The following POFUT2 variants were observed in gnomAD, a reference collection of about 807,000 sequenced individuals.
POFUT2 encodes GDP-fucose protein O-fucosyltransferase 2.
A neutral mutation model predicts 55.0 loss-of-function variants in POFUT2; 30 were observed. The observed-to-expected ratio is 0.55, with a 90% CI of 0.41 to 0.74. The LOEUF (loss-of-function observed/expected upper bound fraction) is 0.74, where lower values mean the gene tolerates loss of function less well. POFUT2 is among the 30% of genes least tolerant of loss of function. POFUT2 has a pLI of 0.00. For missense variants in POFUT2, 524 were observed against 562.6 expected (o/e 0.93, Z 0.69); for synonymous variants, 267 against 231.1 (o/e 1.16, Z -1.41).
In POFUT2 at chr21:45,282,310, C is replaced by T. The variant is rs1432339953; in HGVS notation, c.638+39G>A. On this transcript the variant is annotated intron_variant, in intron 4 of 8. Coordinates refer to ENST00000349485, the MANE Select transcript of POFUT2 (RefSeq NM_133635.6). This position sits in a 1 kb window ranked among gnomAD's most constrained non-coding sequence, Gnocchi z 4.6. ...CCCAGCATGCACGGAGCAGACGCCA[C>T]AGCCTCCAGGCTGCTCCCGGGGGGC... is the stretch of plus-strand genomic sequence containing the variant. 1.5e-6 allele frequency: 2 copies of T among 1,324,110 alleles called. No homozygotes were observed. Among genetic ancestry groups the T allele is most frequent in the African/African-American group, 1.4e-5 (1 of 69,410 alleles). The allele number at this position is 1,324,110 out of a possible 1,614,324, so 82.0% of individuals were successfully genotyped here.
Position 45,285,947 on chromosome 21 carries a change from G to A in POFUT2, c.132-19C>T. ...AAGATACCTGAGCAGGGAGAAGGAG[G>A]ACCACAGGTCTCAAATGCTGAGGTT... On this transcript the variant is annotated intron_variant, in intron 1 of 8. Coordinates refer to ENST00000349485, the MANE Select transcript of POFUT2 (RefSeq NM_133635.6). This position sits in a 1 kb window ranked among gnomAD's most constrained non-coding sequence, Gnocchi z 4.9. 1 of 1,585,954 alleles carries A rather than the reference G, an allele frequency of 6.3e-7. No individual in the cohort carries two copies. Among genetic ancestry groups the A allele is most frequent in the Non-Finnish European group, 8.6e-7 (1 of 1,165,464 alleles).
At chr21:45,268,649 G>A (rs1310818343) in intron 7 of POFUT2, among the ~76,000 whole-genome samples, 7 of 151,664 alleles carry the variant, frequency 4.6e-5, no homozygotes, top group South Asian at 4.2e-4. Flanking sequence ...CATCTGGGAT[G>A]TGAGGAGCGC....
At chr21:45,272,742 C>T (rs2093229794) in intron 6 of POFUT2, among the ~76,000 whole-genome samples, 2 of 151,990 alleles carry the variant, frequency 1.3e-5, no homozygotes, top group Admixed American at 1.3e-4. Flanking sequence ...AAATTAAATC[C>T]AAAAGGAACC....
chr21:45,269,880 C>A lies in POFUT2; in HGVS notation c.971G>T (p.Arg324Leu). Residue 324 changes from arginine (R) to leucine (L), a missense_variant, in exon 7 of 9, where the codon CGG becomes CTG. This residue lies in a region of POFUT2 where 250 missense variants were observed against 318.2 expected (regional missense o/e 0.79). Coordinates refer to ENST00000349485, the MANE Select transcript of POFUT2 (RefSeq NM_133635.6). Reference sequence around the variant, plus strand: ...TGTGGCCACAAACACCTTGTCCAGCCGGTGGGTCTTCATGAGGCTGCGGAT... The same window carrying A: ...TGTGGCCACAAACACCTTGTCCAGCAGGTGGGTCTTCATGAGGCTGCGGAT... The part of the protein sequence containing the change: ...RKIRSLMKTH[R>L]LDKVFVATDA... 1 of 1,611,006 alleles carries A rather than the reference C, an allele frequency of 6.2e-7. No homozygotes were observed. Among genetic ancestry groups the A allele is most frequent in the South Asian group, 1.1e-5 (1 of 90,282 alleles).
chr21:45,269,998 C>T lies in POFUT2; in HGVS notation c.853G>A (p.Gly285Arg), dbSNP rs766610099. ...AGGTGGACTCCCAGGTAGGGGCCCCCTAGCGCGGAGCCCAGCTTGACCTAG... is the reference window on the plus strand; with the variant it reads ...AGGTGGACTCCCAGGTAGGGGCCCCTTAGCGCGGAGCCCAGCTTGACCTAG... Reference protein sequence around the residue: ...KMKVKLGSALGGPYLGVHLRR... With the variant: ...KMKVKLGSALRGPYLGVHLRR... The change falls in exon 7 of 9, where the codon GGG becomes AGG. Residue 285 changes from glycine to arginine, a missense_variant. By Grantham distance (125) the Gly-to-Arg change is moderately radical (BLOSUM62 -2). Coordinates refer to ENST00000349485, the MANE Select transcript of POFUT2 (RefSeq NM_133635.6). The T allele has an allele frequency of 6.4e-7, 1 of 1,561,292 alleles. No homozygotes were observed. Among genetic ancestry groups the T allele is most frequent in the South Asian group, 1.2e-5 (1 of 82,354 alleles).
chr21:45,283,592 T>A, intron 2 of POFUT2, 65 bp from the exon 3 acceptor site: 1 of 1,545,424 alleles, frequency 6.5e-7, no homozygotes, highest in Non-Finnish European at 8.9e-7. Flanking sequence ...CGGGCATGCA[T>A]CAGTCACCAG....
intron 6 of POFUT2, among the ~76,000 whole-genome samples, chr21:45,275,474 G>A (rs1433556442): frequency 6.6e-6 from 1 of 152,220 alleles, no homozygotes. Flanking sequence ...GCATATGCAT[G>A]TTTATAGCAG....
chr21:45,267,615 CAAT>C lies in POFUT2; in HGVS notation c.1108_1110del (p.Ile370del). 6.2e-7 allele frequency: 1 copy of C among 1,614,206 alleles called. No individual in the cohort carries two copies. The highest frequency in any genetic ancestry group is 8.5e-7 in the Non-Finnish European group (1 of 1,180,044). ...CTGGCGTGTGCGCAGATCCACTGGTCAATAATCGCAACGCCTCCGTCCTTGTAG... is the reference window on the plus strand; with the variant it reads ...CTGGCGTGTGCGCAGATCCACTGGTCAATCGCAACGCCTCCGTCCTTGTAG... On this transcript the variant is annotated inframe_deletion, in exon 8 of 9. Coordinates refer to ENST00000349485, the MANE Select transcript of POFUT2 (RefSeq NM_133635.6). The surrounding 1 kb of genome is among the most constrained non-coding windows in gnomAD (Gnocchi z 4.4).
At chr21:45,280,782 G>A (rs1035905695) in intron 4 of POFUT2, among the ~76,000 whole-genome samples, 5 of 150,798 alleles carry the variant, frequency 3.3e-5, no homozygotes, top group East Asian at 1.9e-4. Flanking sequence ...TCAATTGCAC[G>A]GATCCCGTCT....
In POFUT2 at chr21:45,283,411, A is replaced by C; in HGVS notation, c.499T>G (p.Tyr167Asp). The C allele has an allele frequency of 1.2e-6, 2 of 1,611,378 alleles. No homozygotes were observed. Among genetic ancestry groups the C allele is most frequent in the Non-Finnish European group, 1.7e-6 (2 of 1,178,952 alleles). The change falls in exon 3 of 9, where the codon TAC (tyrosine) becomes GAC (aspartate). Residue 167 changes from tyrosine to aspartate, a missense_variant. Physicochemically the swap from Tyr to Asp is radical, Grantham distance 160. This residue lies in a region of POFUT2 where 274 missense variants were observed against 244.4 expected (regional missense o/e 1.12). Coordinates refer to ENST00000349485, the MANE Select transcript of POFUT2 (RefSeq NM_133635.6). ...TAGTACTCGTGCTTGTCCTGGGAGT[A>C]CAGGAGCTGATCAATACACGGCCGC... Reference protein sequence around the residue: ...DERPCIDQLLYSQDKHEYYRG... With the variant: ...DERPCIDQLLDSQDKHEYYRG...
intron 4 of POFUT2, among the ~76,000 whole-genome samples, chr21:45,279,198 TG>T (rs1460015970): frequency 6.6e-6 from 1 of 150,972 alleles, no homozygotes; most frequent in Admixed American, 6.6e-5. Context: ...GAGACCATCC[TG>T]GCTAAGACGG....
At chr21:45,276,180 C>G (rs1473971384) in intron 6 of POFUT2, among the ~76,000 whole-genome samples, 1 of 151,424 alleles carries the variant, frequency 6.6e-6, no homozygotes, top group Non-Finnish European at 1.5e-5. Context: ...CAGAGTGAGA[C>G]TCTGTCTCAA....
chr21:45,265,802 A>G lies in POFUT2; in HGVS notation c.1137-167T>C, dbSNP rs535932829. 55 of 1,418,022 alleles carry G rather than the reference A, an allele frequency of 3.9e-5. No individual in the cohort carries two copies. The African/African-American group carries it at 6.3e-4, about 16-fold the overall frequency. The allele number at this position is 1,418,022 out of a possible 1,614,324, so 87.8% of individuals were successfully genotyped here. A position where few individuals can be genotyped will look rare whatever the true frequency, so the allele number is the denominator to read the frequency against. ...ACCAGCCGGCCGCCCCCTTGCTGGC[A>G]CCCCTCGCTCAGGTGCCCTCGACAT... On this transcript the variant is annotated intron_variant, in intron 8 of 8. Transcript: ENST00000349485. The surrounding 1 kb of genome is among the most constrained non-coding windows in gnomAD (Gnocchi z 4.6).
At chr21:45,278,294 T>A in intron 4 of POFUT2, 125 bp from the exon 5 acceptor site, 1 of 825,100 alleles carries the variant, frequency 1.2e-6, no homozygotes, top group Non-Finnish European at 2.1e-6. Context: ...CGAGGGACAC[T>A]AACCAGGGCG....
At position 45,283,498 on chromosome 21, in the gene POFUT2, A is replaced by C; in HGVS notation, c.412T>G (p.Tyr138Asp). The C allele has an allele frequency of 1.2e-6, 2 of 1,613,902 alleles. No homozygotes were observed. Among genetic ancestry groups the C allele is most frequent in the Non-Finnish European group, 1.7e-6 (2 of 1,179,926 alleles). The change falls in exon 3 of 9, where the codon TAC (tyrosine) becomes GAC (aspartate). Residue 138 changes from tyrosine (Y) to aspartate (D), a missense_variant. By Grantham distance (160) the Tyr-to-Asp change is radical (BLOSUM62 -3). Around this residue, in one of 2 missense-constraint regions of POFUT2, gnomAD observed 274 missense variants for 244.4 expected, o/e 1.12. Coordinates refer to ENST00000349485, the MANE Select transcript of POFUT2 (RefSeq NM_133635.6). Reference protein sequence around the residue: ...ESGGPFIDQVYVLQSYAEGWK... With the variant: ...ESGGPFIDQVDVLQSYAEGWK... ...CCCTCTGCGTAACTTTGCAGGACGT[A>C]AACCTGGTCAATAAAGGGCCCACCA...
At position 45,282,521 on chromosome 21, in the gene POFUT2, C is replaced by T; in HGVS notation, c.528-62G>A. ...TTTTGCTTTCACAAGGAAAACAAAT[C>T]AAGTCTAGACACGCACACACTGTGG... On this transcript the variant is annotated intron_variant, in intron 3 of 8. Coordinates refer to ENST00000349485, the MANE Select transcript of POFUT2 (RefSeq NM_133635.6). This position sits in a 1 kb window ranked among gnomAD's most constrained non-coding sequence, Gnocchi z 4.6. 1.1e-6 allele frequency: 1 copy of T among 943,326 alleles called. No homozygotes were observed. Among genetic ancestry groups the T allele is most frequent in the Admixed American group, 1.9e-5 (1 of 52,806 alleles). 58.4% of individuals were successfully genotyped at this position (943,326 alleles called of 1,614,324 possible). A position where few individuals can be genotyped will look rare whatever the true frequency, so the allele number is the denominator to read the frequency against.
chr21:45,270,078 G>A lies in POFUT2; in HGVS notation c.832-59C>T. The A allele has an allele frequency of 2.2e-6, 3 of 1,388,504 alleles. No individual in the cohort carries two copies. Among genetic ancestry groups the A allele is most frequent in the Non-Finnish European group, 2.9e-6 (3 of 1,046,282 alleles). 86.0% of individuals were successfully genotyped at this position (1,388,504 alleles called of 1,614,324 possible). A position where few individuals can be genotyped will look rare whatever the true frequency, so the allele number is the denominator to read the frequency against. ...ACAGGCGGGCTCGGGGCTCATCCTGGGCACCGGGTGGGACTCGAGACGCAG... is the reference window on the plus strand; with the variant it reads ...ACAGGCGGGCTCGGGGCTCATCCTGAGCACCGGGTGGGACTCGAGACGCAG... On this transcript the variant is annotated intron_variant, in intron 6 of 8. Transcript: ENST00000349485. This position sits in a 1 kb window ranked among gnomAD's most constrained non-coding sequence, Gnocchi z 4.6.
Position 45,274,100 on chromosome 21 carries a change from A to C in POFUT2, c.831+2917T>G, listed in dbSNP as rs145455977. ...CATCCAAAAAGCTCCCAGATCTGAT[A>C]AATGAATTCAGTAAAGTTTCAGGAC... On this transcript the variant is annotated intron_variant, in intron 6 of 8. Coordinates refer to ENST00000349485, the MANE Select transcript of POFUT2 (RefSeq NM_133635.6). Among the ~76,000 whole-genome samples, 4 of 152,332 alleles carry C rather than the reference A, an allele frequency of 2.6e-5. No individual in the cohort carries two copies. The East Asian group carries it at 7.7e-4, about 29-fold the overall frequency.
At chr21:45,280,545 G>A (rs189044143) in intron 4 of POFUT2, among the ~76,000 whole-genome samples, 6 of 152,306 alleles carry the variant, frequency 3.9e-5, no homozygotes, top group Non-Finnish European at 7.3e-5. Flanking sequence ...GCCCCTGCAG[G>A]CCTGTCCTCC....
Sources: gnomAD v4.1 joint callset for allele counts (sites outside exome capture counted in the v4.1 genomes callset) on GRCh38, gnomAD v4.1.1 for gene constraint, gnomAD v4.1.1 regional missense constraint, Gnocchi (gnomAD v3.1) non-coding constraint, MANE v1.5 for transcripts, NCBI Gene and HGNC (gene_info 2026-07-23, HGNC 2026-07-21) for gene names.